NRXN3: variants seen among roughly 807,000 people sequenced by gnomAD.
The protein encoded by NRXN3 is neurexin 3, also known as neurexin III.
In NRXN3, 32 loss-of-function variants were observed where a neutral mutation model predicts 137.6. The observed-to-expected ratio is 0.23, with a 90% CI of 0.18 to 0.31. NRXN3 has a LOEUF of 0.31. NRXN3 is among the 10% of genes least tolerant of loss of function. The pLI is 1.00. For missense variants in NRXN3, 1,574 were observed against 2,062.5 expected, an observed-to-expected ratio of 0.76 and a Z score of 4.59; for synonymous variants, 798 against 784.5, an observed-to-expected ratio of 1.02 and a Z score of -0.29.
chr14:79,545,640 C>T (rs2097311791), intron 16 of NRXN3, among the ~76,000 whole-genome samples: 1 of 151,682 alleles, frequency 6.6e-6, no homozygotes, highest in African/African-American at 2.4e-5. Flanking sequence ...ATTCTGCCTA[C>T]CATAAGAGAT....
At chr14:78,851,312 TTCA>T (rs2099041880) in intron 10 of NRXN3, among the ~76,000 whole-genome samples, 1 of 152,162 alleles carries the variant, frequency 6.6e-6, no homozygotes, top group Admixed American at 6.5e-5. Flanking sequence ...CCTGGTGAAA[TTCA>T]AGATGCCAAT....
At chr14:78,476,813 G>A (rs73316490) in intron 4 of NRXN3, among the ~76,000 whole-genome samples, 12,431 of 152,168 alleles carry the variant, frequency 0.082, 727 homozygotes, top group East Asian at 0.31. Flanking sequence ...GTCATTAAGC[G>A]TGTTGATTCA....
intron 15 of NRXN3, among the ~76,000 whole-genome samples, chr14:79,059,250 C>CTTTTT (rs869266975): frequency 6.4e-4 from 50 of 78,264 alleles, no homozygotes; most frequent in African/African-American, 1.8e-3. Flanking sequence ...AGGCCCTATT[C>CTTTTT]TTTTTTTTTT....
intron 15 of NRXN3, among the ~76,000 whole-genome samples, chr14:79,408,152 C>T (rs1462876158): frequency 2.0e-5 from 3 of 152,046 alleles, no homozygotes; most frequent in South Asian, 4.1e-4. Flanking sequence ...GGCATGTGCC[C>T]GGCATGTAAG....
At chr14:79,766,888 A>G (rs1352147161) in intron 19 of NRXN3, among the ~76,000 whole-genome samples, 1 of 152,196 alleles carries the variant, frequency 6.6e-6, no homozygotes, top group Non-Finnish European at 1.5e-5. Flanking sequence ...AATTGCAAGT[A>G]GTCTGGCTTT....
chr14:78,571,417 C>G (rs2096888210), intron 4 of NRXN3, among the ~76,000 whole-genome samples: 1 of 152,096 alleles, frequency 6.6e-6, no homozygotes, highest in Admixed American at 6.5e-5. Flanking sequence ...GTTTTGGGCG[C>G]AGCTTTAGTT....
chr14:78,417,954 G>A (rs950734428), intron 4 of NRXN3, among the ~76,000 whole-genome samples: 1 of 152,114 alleles, frequency 6.6e-6, no homozygotes, highest in Admixed American at 6.6e-5. Context: ...ACAGTGTTTT[G>A]CCACATTGGC....
At chr14:79,127,100 G>C (rs892425660) in intron 15 of NRXN3, among the ~76,000 whole-genome samples, 3 of 151,934 alleles carry the variant, frequency 2.0e-5, no homozygotes, top group Non-Finnish European at 4.4e-5. Context: ...AGTAGGTTGC[G>C]AAAATTTTCT....
chr14:79,694,702 G>T (rs1030577771), intron 18 of NRXN3, among the ~76,000 whole-genome samples: 1 of 151,988 alleles, frequency 6.6e-6, no homozygotes, highest in African/African-American at 2.4e-5. Context: ...AATAGTGATG[G>T]TTTTTTCTGT....
intron 16 of NRXN3, among the ~76,000 whole-genome samples, chr14:79,474,071 C>A (rs1295368377): frequency 2.6e-5 from 4 of 152,092 alleles, no homozygotes; most frequent in African/African-American, 7.2e-5. Flanking sequence ...AGGCAGCAAG[C>A]CATAGTAGAA....
At chr14:78,179,372 G>A (rs1296847657) in intron 1 of NRXN3, among the ~76,000 whole-genome samples, 1 of 152,204 alleles carries the variant, frequency 6.6e-6, no homozygotes, top group Non-Finnish European at 1.5e-5. Context: ...GCAGCCCCTA[G>A]GCTGAGCTGC....
intron 10 of NRXN3, among the ~76,000 whole-genome samples, chr14:78,890,437 A>G (rs532311939): frequency 6.6e-6 from 1 of 151,870 alleles, no homozygotes; most frequent in Non-Finnish European, 1.5e-5. Context: ...ATTTTACTCT[A>G]ACATCCCATG....
intron 15 of NRXN3, among the ~76,000 whole-genome samples, chr14:79,096,620 A>C (rs928525298): frequency 3.5e-5 from 5 of 141,758 alleles, no homozygotes; most frequent in African/African-American, 1.3e-4. Flanking sequence ...AAAAAAAAAA[A>C]CTACTAGCAC....
intron 10 of NRXN3, among the ~76,000 whole-genome samples, chr14:78,937,776 T>G (rs1467962683): frequency 6.6e-6 from 1 of 152,206 alleles, no homozygotes; most frequent in African/African-American, 2.4e-5. Flanking sequence ...GTAAGCTGCT[T>G]AAAACATTTC....
intron 16 of NRXN3, among the ~76,000 whole-genome samples, chr14:79,635,032 T>C (rs1158797180): frequency 6.6e-6 from 1 of 152,204 alleles, no homozygotes; most frequent in Admixed American, 6.5e-5. Context: ...GAGTTAACAA[T>C]AATATATTGT....
chr14:78,880,072 T>G (rs2099124374), intron 10 of NRXN3, among the ~76,000 whole-genome samples: 1 of 145,268 alleles, frequency 6.9e-6, no homozygotes, highest in Admixed American at 6.7e-5. Context: ...ACCCCGTCTC[T>G]ACTAAAAATA....
intron 18 of NRXN3, among the ~76,000 whole-genome samples, chr14:79,696,411 G>A (rs1385994136): frequency 3.3e-5 from 5 of 151,906 alleles, no homozygotes; most frequent in Non-Finnish European, 2.9e-5. Context: ...TGATCACTAA[G>A]TAGAGAAAAC....
At chr14:79,476,106 C>A (rs2096557431) in intron 16 of NRXN3, among the ~76,000 whole-genome samples, 4 of 152,004 alleles carry the variant, frequency 2.6e-5, no homozygotes, top group African/African-American at 9.7e-5. Context: ...TGCAACAGGG[C>A]AAGAAATAAC....
chr14:78,686,424 G>T (rs879696553), intron 6 of NRXN3, among the ~76,000 whole-genome samples: 1 of 152,192 alleles, frequency 6.6e-6, no homozygotes, highest in Non-Finnish European at 1.5e-5. Context: ...CTCACAGATG[G>T]AAATTGCCAT....
Sources: allele counts gnomAD v4.1 joint callset (sites outside exome capture counted in the v4.1 genomes callset), GRCh38; gene constraint gnomAD v4.1.1; transcripts MANE v1.5; gene names NCBI Gene and HGNC (gene_info 2026-07-23, HGNC 2026-07-21).